Variants in DUSP6 observed in about 807,000 individuals in gnomAD.
The protein encoded by DUSP6 is dual specificity phosphatase 6.
A neutral mutation model predicts 28.0 loss-of-function variants in DUSP6; 6 were observed. The observed-to-expected ratio is 0.21, with a 90% CI of 0.12 to 0.42. The LOEUF is 0.42. Ranked by LOEUF, DUSP6 falls within the 10% of genes least tolerant of loss-of-function variation. The pLI is 1.00. For synonymous variants in DUSP6, 252 were observed against 217.5 expected, an observed-to-expected ratio of 1.16 and a Z score of -1.40; for missense variants, 451 against 498.1, an observed-to-expected ratio of 0.91 and a Z score of 0.90.
chr12:89,350,264 G>GT (rs1473030586), intron 2 of DUSP6, among the ~76,000 whole-genome samples: 1 of 152,200 alleles, frequency 6.6e-6, no homozygotes, highest in East Asian at 1.9e-4. Context: ...CCTGTCTATA[G>GT]TGAGTACTTC....
chr12:89,352,203 A>C lies in DUSP6; in HGVS notation c.-164T>G. Reference sequence around the variant, plus strand: ...CGGTTGGGGCAGACGAGACAGAAGTAAAGCCGGAGGTTCTCTCTGCACCCA... The same window carrying C: ...CGGTTGGGGCAGACGAGACAGAAGTCAAGCCGGAGGTTCTCTCTGCACCCA... On this transcript the variant is annotated 5_prime_UTR_variant, in exon 1 of 3. Transcript: ENST00000279488. 1 of 1,076,722 alleles carries C rather than the reference A, an allele frequency of 9.3e-7. No homozygotes were observed. The highest frequency in any genetic ancestry group is 1.3e-6 in the Non-Finnish European group (1 of 763,042). The allele number at this position is 1,076,722 out of a possible 1,614,324, so 66.7% of individuals were successfully genotyped here.
intron 2 of DUSP6, 40 bp downstream of exon 2, chr12:89,350,548 G>A: frequency 6.4e-7 from 1 of 1,567,028 alleles, no homozygotes. Context: ...TAGGAATTTT[G>A]CATTTAAATG....
Position 89,347,571 on chromosome 12 carries a change from A to T in DUSP6, c.*1683T>A, listed in dbSNP as rs971828354. ...ATCATTCTGGATTCAGCATTCTCAC[A>T]CTAGGATATCTGCAGGTAGAATTGC... On this transcript the variant is annotated 3_prime_UTR_variant, in exon 3 of 3. Transcript: ENST00000279488. The T allele has an allele frequency of 4.6e-5, 7 of 152,256 alleles. No homozygotes were observed. The highest frequency in any genetic ancestry group is 1.4e-4 in the African/African-American group (6 of 41,462). 9.4% of individuals were successfully genotyped at this position (152,256 alleles called of 1,614,324 possible).
chr12:89,351,797 C>T lies in DUSP6; in HGVS notation c.243G>A (p.Glu81=), dbSNP rs749559072. ...AGCGCCGGGTGAAGCGGTCCCGGTCCTCGCCGCGCGTGAAGAGCGCGCGCA... is the reference window on the plus strand; with the variant it reads ...AGCGCCGGGTGAAGCGGTCCCGGTCTTCGCCGCGCGTGAAGAGCGCGCGCA... ...LPVRALFTRG[E]DRDRFTRRCG... The change falls in exon 1 of 3, where the codon GAG becomes GAA. Residue 81 remains glutamate (E), a synonymous_variant. Coordinates refer to ENST00000279488, the MANE Select transcript of DUSP6 (RefSeq NM_001946.4). The T allele has an allele frequency of 3.1e-6, 5 of 1,610,516 alleles. No individual in the cohort carries two copies. The African/African-American group carries it at 6.7e-5, about 21-fold the overall frequency.
At position 89,349,257 on chromosome 12, in the gene DUSP6, C is replaced by T. The variant is rs1378478834; in HGVS notation, c.1143G>A (p.Thr381=). The change falls in exon 3 of 3, where the codon ACG becomes ACA. Residue 381 remains threonine (T), a synonymous_variant. Coordinates refer to ENST00000279488, the MANE Select transcript of DUSP6 (RefSeq NM_001946.4). ...GCAAGGAGGGGTGTGGGGTCTTTCACGTAGATTGCAGAGAGTCCACCTGGT... is the reference window on the plus strand; with the variant it reads ...GCAAGGAGGGGTGTGGGGTCTTTCATGTAGATTGCAGAGAGTCCACCTGGT... ...NVYQVDSLQS[T] The T allele has an allele frequency of 8.7e-6, 14 of 1,606,378 alleles. No homozygotes were observed. Among genetic ancestry groups the T allele is most frequent in the Non-Finnish European group, 1.2e-5 (14 of 1,173,856 alleles).
chr12:89,351,347 C>T (rs1565875237), intron 1 of DUSP6: 1 of 578,928 alleles, frequency 1.7e-6, no homozygotes, highest in Non-Finnish European at 3.0e-6. Flanking sequence ...CAAAATCGAA[C>T]GATAGAAAAC....
chr12:89,351,554 A>C (rs1431750124), intron 1 of DUSP6, 86 bp downstream of exon 1: 1 of 1,462,426 alleles, frequency 6.8e-7, no homozygotes, highest in African/African-American at 1.4e-5. Flanking sequence ...AGCTGAGCGG[A>C]GCAGAGGTAT....
Position 89,349,176 on chromosome 12 carries a change from A to C in DUSP6, c.*78T>G. 1.4e-6 allele frequency: 2 copies of C among 1,477,382 alleles called. No homozygotes were observed. Among genetic ancestry groups the C allele is most frequent in the South Asian group, 2.6e-5 (2 of 76,810 alleles). 91.5% of individuals were successfully genotyped at this position (1,477,382 alleles called of 1,614,324 possible). On this transcript the variant is annotated 3_prime_UTR_variant, in exon 3 of 3. Transcript: ENST00000279488. ...TTGACACCTGGGGCCACACACAAAG[A>C]AAGCAGCCCAGCTGATGCTGCCAAG... is the stretch of plus-strand genomic sequence containing the variant.
chr12:89,350,574 T>C lies in DUSP6; in HGVS notation c.838+14A>G. 2 of 1,606,378 alleles carry C rather than the reference T, an allele frequency of 1.2e-6. No homozygotes were observed. Among genetic ancestry groups the C allele is most frequent in the Middle Eastern group, 1.7e-4 (1 of 6,030 alleles). ...CATTTAAATGTCAGAGCGACGACTATTAATTAGTCTCACCTATGAAAGAAA... is the reference window on the plus strand; with the variant it reads ...CATTTAAATGTCAGAGCGACGACTACTAATTAGTCTCACCTATGAAAGAAA... On this transcript the variant is annotated intron_variant, in intron 2 of 2. Transcript: ENST00000279488.
chr12:89,351,136 C>T, intron 1 of DUSP6, 111 bp from the exon 2 acceptor site: 1 of 1,164,674 alleles, frequency 8.6e-7, no homozygotes, highest in Non-Finnish European at 1.2e-6. Flanking sequence ...TACGAACCCC[C>T]TACATACAGA....
Position 89,350,651 on chromosome 12 carries a change from G to T in DUSP6, c.775C>A (p.Pro259Thr), listed in dbSNP as rs746685097. The T allele has an allele frequency of 9.9e-6, 16 of 1,614,014 alleles. No homozygotes were observed. Among genetic ancestry groups the T allele is most frequent in the Admixed American group, 1.7e-5 (1 of 59,992 alleles). Residue 259 changes from proline to threonine, a missense_variant, in exon 2 of 3, where the codon CCC (proline) becomes ACC (threonine). This residue lies in a region of DUSP6 where 347 missense variants were observed against 346.6 expected (regional missense o/e 1.00). Transcript: ENST00000279488. ...NAGEFKYKQIPISDHWSQNLS... is the reference protein window; with the variant it reads ...NAGEFKYKQITISDHWSQNLS... Reference sequence around the variant, plus strand: ...TTTTGGCTCCAGTGATCCGAGATGGGGATTTGCTTGTATTTAAACTCTCCT... The same window carrying T: ...TTTTGGCTCCAGTGATCCGAGATGGTGATTTGCTTGTATTTAAACTCTCCT...
In DUSP6 at chr12:89,352,220, C is replaced by T. The variant is rs1223956502; in HGVS notation, c.-181G>A. ...ACAGAAGTAAAGCCGGAGGTTCTCT[C>T]TGCACCCAGCTGCAGCCGCTGGCTC... On this transcript the variant is annotated 5_prime_UTR_variant, in exon 1 of 3. Transcript: ENST00000279488. The T allele has an allele frequency of 3.7e-6, 3 of 808,460 alleles. No homozygotes were observed. Among genetic ancestry groups the T allele is most frequent in the Non-Finnish European group, 5.7e-6 (3 of 525,908 alleles). The allele number at this position is 808,460 out of a possible 1,614,324, so 50.1% of individuals were successfully genotyped here.
rs1402472359 is a variant in DUSP6, at chr12:89,349,527, T to A, written c.873A>T (p.Val291=). The A allele has an allele frequency of 1.2e-6, 2 of 1,613,156 alleles. No individual in the cohort carries two copies. The highest frequency in any genetic ancestry group is 2.7e-5 in the African/African-American group (2 of 74,928). The change falls in exon 3 of 3, where the codon GTA becomes GTT. Residue 291 remains valine (V), a synonymous_variant. Transcript: ENST00000279488. ...EARGKNCGVL[V]HCLAGISRSV... ...AGCGGCTAATGCCAGCCAAGCAATG[T>A]ACCAAGACACCACAGTTCTTGCCCC...
At position 89,351,653 on chromosome 12, in the gene DUSP6, C is replaced by T. The variant is rs1339034451; in HGVS notation, c.387G>A (p.Ala129=). Residue 129 remains alanine, a synonymous_variant, in exon 1 of 3, where the codon GCG becomes GCA. Coordinates refer to ENST00000279488, the MANE Select transcript of DUSP6 (RefSeq NM_001946.4). ...LKKLKDEGCR[A]FYLEGGFSKF... is the part of the protein sequence containing the mutation. ...CTGGGCGCGTACCTTCCAGGTAGAA[C>T]GCCCGGCAGCCCTCGTCCTTGAGCT... The T allele has an allele frequency of 1.2e-6, 2 of 1,602,046 alleles. No individual in the cohort carries two copies. Among genetic ancestry groups the T allele is most frequent in the African/African-American group, 1.3e-5 (1 of 74,752 alleles).
In DUSP6 at chr12:89,349,041, ATC is replaced by A. The variant is rs767737040; in HGVS notation, c.*211_*212del. On this transcript the variant is annotated 3_prime_UTR_variant, in exon 3 of 3. Coordinates refer to ENST00000279488, the MANE Select transcript of DUSP6 (RefSeq NM_001946.4). ...GGTACAGAGCAAACCTACTGCCTGTATCTATACAGCATGTCCTGTTATTCCAA... is the reference window on the plus strand; with the variant it reads ...GGTACAGAGCAAACCTACTGCCTGTATATACAGCATGTCCTGTTATTCCAA... 1.7e-5 allele frequency: 10 copies of A among 579,006 alleles called. No homozygotes were observed. The highest frequency in any genetic ancestry group is 3.0e-5 in the Non-Finnish European group (10 of 328,894). The allele number at this position is 579,006 out of a possible 1,614,324, so 35.9% of individuals were successfully genotyped here.
intron 1 of DUSP6, 197 bp downstream of exon 1, chr12:89,351,443 G>T (rs1879184390): frequency 2.1e-6 from 2 of 934,028 alleles, no homozygotes; most frequent in African/African-American, 1.7e-5. Context: ...GAAGCGAGTG[G>T]ATTCTGAGCC....
In DUSP6 at chr12:89,350,687, A is replaced by T; in HGVS notation, c.739T>A (p.Phe247Ile). 6.2e-7 allele frequency: 1 copy of T among 1,614,164 alleles called. No individual in the cohort carries two copies. Residue 247 changes from phenylalanine (F) to isoleucine (I), a missense_variant, in exon 2 of 3, where the codon TTT becomes ATT. By Grantham distance (21) the Phe-to-Ile change is conservative. Around this residue, in one of 2 missense-constraint regions of DUSP6, gnomAD observed 347 missense variants for 346.6 expected, o/e 1.00. Coordinates refer to ENST00000279488, the MANE Select transcript of DUSP6 (RefSeq NM_001946.4). ...LNVTPNLPNL[F>I]ENAGEFKYKQ... ...TATTTAAACTCTCCTGCGTTCTCAA[A>T]GAGATTCGGCAAATTGGGGGTGACG...
intron 2 of DUSP6, among the ~76,000 whole-genome samples, chr12:89,350,304 T>TG (rs1043377488): frequency 2.0e-5 from 3 of 152,200 alleles, no homozygotes; most frequent in Non-Finnish European, 4.4e-5. Flanking sequence ...GTCCAAAGAC[T>TG]GGGGGGAAAA....
rs1217807347 is a variant in DUSP6 at position 89,349,344 on chromosome 12, T to C, written c.1056A>G (p.Pro352=). The C allele has an allele frequency of 1.2e-6, 2 of 1,614,210 alleles. No individual in the cohort carries two copies. The highest frequency in any genetic ancestry group is 2.7e-5 in the African/African-American group (2 of 75,052). Residue 352 remains proline, a synonymous_variant, in exon 3 of 3, where the codon CCA becomes CCG. Coordinates refer to ENST00000279488, the MANE Select transcript of DUSP6 (RefSeq NM_001946.4). ...GCTGTGCTGGAACCCTGTTGTCACATGGGCTGCTGAGTCCCAGCGTCCTCT... is the reference window on the plus strand; with the variant it reads ...GCTGTGCTGGAACCCTGTTGTCACACGGGCTGCTGAGTCCCAGCGTCCTCT... ...DFERTLGLSS[P]CDNRVPAQQL...
Sources: gnomAD v4.1 joint callset for allele counts (sites outside exome capture counted in the v4.1 genomes callset) on GRCh38, gnomAD v4.1.1 for gene constraint, gnomAD v4.1.1 regional missense constraint, MANE v1.5 for transcripts, NCBI Gene and HGNC (gene_info 2026-07-23, HGNC 2026-07-21) for gene names.